FAT4: variants seen among roughly 807,000 people sequenced by gnomAD.
The protein encoded by FAT4 is FAT atypical cadherin 4, also known as protocadherin Fat 4.
Under a neutral mutation model 303.9 loss-of-function variants are expected in FAT4, and 84 were observed. The ratio of observed to expected loss-of-function variants is 0.28; its 90% CI spans 0.23 to 0.33. FAT4 has a LOEUF of 0.33. FAT4 is among the 10% of genes least tolerant of loss of function. The pLI is 1.00. For missense variants in FAT4, 6,005 were observed against 6,146.8 expected (o/e 0.98, Z 0.77); for synonymous variants, 2,307 against 2,298.8 (o/e 1.00, Z -0.10).
In FAT4 at chr4:125,476,746, A is replaced by G. The variant is rs911476547; in HGVS notation, c.12300-409A>G. 7.2e-5 allele frequency among the ~76,000 whole-genome samples: 11 copies of G among 152,192 alleles called. No individual in the cohort carries two copies. The East Asian group carries it at 1.3e-3, about 19-fold the overall frequency. On this transcript the variant is annotated intron_variant, in intron 13 of 17. Coordinates refer to ENST00000394329, the MANE Select transcript of FAT4 (RefSeq NM_001291303.3). Reference sequence around the variant, plus strand: ...TCATGATGCATCATTCATTGCCTCAATCAACTTATTGGCATCCCTTGCATT... The same window carrying G: ...TCATGATGCATCATTCATTGCCTCAGTCAACTTATTGGCATCCCTTGCATT...
chr4:125,320,226 A>C lies in FAT4; in HGVS notation c.3815A>C (p.Lys1272Thr). The change falls in exon 2 of 18, where the codon AAA (lysine) becomes ACA (threonine). Residue 1272 changes from lysine to threonine, a missense_variant. Transcript: ENST00000394329. ...STSGQVTLIG[K>T]LDYEATPAYS... The stretch of plus-strand genomic sequence containing the variant: ...TCTGGTCAGGTAACACTAATTGGCA[A>C]ATTAGACTATGAAGCAACACCTGCC... 6.2e-7 allele frequency: 1 copy of C among 1,614,154 alleles called. No individual in the cohort carries two copies. The highest frequency in any genetic ancestry group is 2.2e-5 in the East Asian group (1 of 44,878).
At chr4:125,345,696 GT>G (rs1731974984) in intron 2 of FAT4, among the ~76,000 whole-genome samples, 1 of 151,966 alleles carries the variant, frequency 6.6e-6, no homozygotes, top group Non-Finnish European at 1.5e-5. Flanking sequence ...TGCCCTTAGA[GT>G]TTTGAAGGTT....
chr4:125,360,045 C>T (rs1362606212), intron 2 of FAT4, among the ~76,000 whole-genome samples: 1 of 152,106 alleles, frequency 6.6e-6, no homozygotes, highest in Admixed American at 6.6e-5. Context: ...AAACTGTCTT[C>T]CTCTCCCTCC....
chr4:125,339,186 C>G (rs1475707961), intron 2 of FAT4, among the ~76,000 whole-genome samples: 1 of 151,764 alleles, frequency 6.6e-6, no homozygotes, highest in Non-Finnish European at 1.5e-5. Context: ...TTTTTTGAGA[C>G]GGAGTCTTGC....
intron 14 of FAT4, among the ~76,000 whole-genome samples, chr4:125,478,852 C>T (rs1456306432): frequency 6.6e-6 from 1 of 152,070 alleles, no homozygotes; most frequent in Non-Finnish European, 1.5e-5. Context: ...AAACATAAGT[C>T]AGTTAACTTT....
Position 125,467,208 on chromosome 4 carries a change from CAT to C in FAT4, c.11906-1303_11906-1302del, listed in dbSNP as rs1393035519. 4.6e-5 allele frequency among the ~76,000 whole-genome samples: 7 copies of C among 152,114 alleles called. No individual in the cohort carries two copies. In the South Asian group the frequency reaches 6.2e-4, roughly 13 times the overall value. On this transcript the variant is annotated intron_variant, in intron 11 of 17. Coordinates refer to ENST00000394329, the MANE Select transcript of FAT4 (RefSeq NM_001291303.3). The stretch of plus-strand genomic sequence containing the variant: ...TAATTTTAAAAATGTTCTGATATAA[CAT>C]GTGGTAGTCAAAATAGCTAGACAAT...
intron 2 of FAT4, among the ~76,000 whole-genome samples, chr4:125,355,127 T>G (rs1732377049): frequency 6.6e-6 from 1 of 151,950 alleles, no homozygotes; most frequent in Admixed American, 6.6e-5. Context: ...CAATTTAATT[T>G]TAGAGAACCT....
intron 11 of FAT4, among the ~76,000 whole-genome samples, chr4:125,464,528 T>A (rs1342045367): frequency 6.6e-6 from 1 of 152,182 alleles, no homozygotes; most frequent in East Asian, 1.9e-4. Flanking sequence ...TTTATTTATT[T>A]TTTTATTATA....
chr4:125,425,122 C>A (rs1482847630), intron 7 of FAT4, among the ~76,000 whole-genome samples: 1 of 152,128 alleles, frequency 6.6e-6, no homozygotes, highest in Non-Finnish European at 1.5e-5. Context: ...AGATGATATT[C>A]ATTATATGCA....
chr4:125,438,697 C>A (rs1448123676), intron 8 of FAT4, among the ~76,000 whole-genome samples: 1 of 152,080 alleles, frequency 6.6e-6, no homozygotes, highest in Non-Finnish European at 1.5e-5. Context: ...TTTTCACAGA[C>A]AAAGTAAATA....
At position 125,317,918 on chromosome 4, in the gene FAT4, G is replaced by T; in HGVS notation, c.1507G>T (p.Asp503Tyr). The T allele has an allele frequency of 6.2e-7, 1 of 1,614,164 alleles. No individual in the cohort carries two copies. The highest frequency in any genetic ancestry group is 1.1e-5 in the South Asian group (1 of 91,062). The part of the protein sequence containing the change: ...YVSGISATDG[D>Y]SGLNANLRYS... ...GAGTGGGATATCTGCCACTGATGGC[G>T]ACTCTGGTCTCAATGCTAATCTGCG... The change falls in exon 2 of 18, where the codon GAC (aspartate) becomes TAC (tyrosine). Residue 503 changes from aspartate to tyrosine, a missense_variant. Asp to Tyr is a radical substitution (Grantham distance 160). Coordinates refer to ENST00000394329, the MANE Select transcript of FAT4 (RefSeq NM_001291303.3). The surrounding 1 kb of genome is among the most constrained non-coding windows in gnomAD (Gnocchi z 7.0).
intron 2 of FAT4, among the ~76,000 whole-genome samples, chr4:125,378,772 T>G (rs913201806): frequency 2.0e-5 from 3 of 152,204 alleles, no homozygotes; most frequent in Admixed American, 2.0e-4. Context: ...TTTGTCTTTG[T>G]AACCTAGAAT....
chr4:125,330,749 C>G (rs573326455), intron 2 of FAT4, among the ~76,000 whole-genome samples: 1 of 152,174 alleles, frequency 6.6e-6, no homozygotes, highest in African/African-American at 2.4e-5. Flanking sequence ...TCCTTGTCCC[C>G]TTCAGTTTAG....
chr4:125,393,775 A>G (rs1734062252), intron 2 of FAT4, among the ~76,000 whole-genome samples: 1 of 152,210 alleles, frequency 6.6e-6, no homozygotes, highest in South Asian at 2.1e-4. Context: ...TACTTTTATA[A>G]AATTACCAAA....
At chr4:125,349,593 G>A (rs1732142346) in intron 2 of FAT4, among the ~76,000 whole-genome samples, 1 of 151,728 alleles carries the variant, frequency 6.6e-6, no homozygotes, top group South Asian at 2.1e-4. Flanking sequence ...GGTGACATAA[G>A]CAGCCAAATA....
chr4:125,434,440 C>T lies in FAT4; in HGVS notation c.7199+15C>T, dbSNP rs1274967843. 8.7e-6 allele frequency: 14 copies of T among 1,611,434 alleles called. No individual in the cohort carries two copies. The highest frequency in any genetic ancestry group is 2.2e-5 in the South Asian group (2 of 90,580). On this transcript the variant is annotated intron_variant, in intron 8 of 17. Coordinates refer to ENST00000394329, the MANE Select transcript of FAT4 (RefSeq NM_001291303.3). ...GCAGTTATAAGGTCAGTACATTTTCCTTTGTAAAGTTTGTCTGTTTTCTCA... is the reference window on the plus strand; with the variant it reads ...GCAGTTATAAGGTCAGTACATTTTCTTTTGTAAAGTTTGTCTGTTTTCTCA...
chr4:125,321,355 G>A lies in FAT4; in HGVS notation c.4944G>A (p.Val1648=), dbSNP rs771297547. 4 of 1,614,144 alleles carry A rather than the reference G, an allele frequency of 2.5e-6. No individual in the cohort carries two copies. Among genetic ancestry groups the A allele is most frequent in the Admixed American group, 3.3e-5 (2 of 60,020 alleles). ...AAGGAGAACCCATTGGCACAAACGT[G>A]ATATCAATAGAAGCAGCTAGCCCCA... ...LKEGEPIGTN[V]ISIEAASPRG... Residue 1648 remains valine, a synonymous_variant, in exon 2 of 18, where the codon GTG becomes GTA. Transcript: ENST00000394329.
At chr4:125,403,780 CT>C (rs547538389) in intron 3 of FAT4, among the ~76,000 whole-genome samples, 3 of 151,884 alleles carry the variant, frequency 2.0e-5, no homozygotes, top group African/African-American at 4.8e-5. Flanking sequence ...TTTAAAAAGA[CT>C]TTTTTTTCTT....
At chr4:125,366,477 A>G (rs1242086583) in intron 2 of FAT4, among the ~76,000 whole-genome samples, 2 of 151,840 alleles carry the variant, frequency 1.3e-5, no homozygotes, top group South Asian at 2.1e-4. Context: ...TATGTACTAT[A>G]TATATATTTT....
Sources: allele counts gnomAD v4.1 joint callset (sites outside exome capture counted in the v4.1 genomes callset), GRCh38; gene constraint gnomAD v4.1.1; non-coding constraint Gnocchi (gnomAD v3.1); transcripts MANE v1.5; gene names NCBI Gene and HGNC (gene_info 2026-07-23, HGNC 2026-07-21).